Variants in TSPAN2 observed in about 807,000 individuals in gnomAD.
The protein encoded by TSPAN2 is tetraspanin-2.
A neutral mutation model predicts 33.3 loss-of-function variants in TSPAN2; 24 were observed. That is an observed-to-expected ratio of 0.72 (90% CI 0.52 to 1.01). The LOEUF is 1.01. TSPAN2 is among the 50% of genes least tolerant of loss of function. The probability of loss-of-function intolerance (pLI) is 0.00; values close to 1 mark genes in which losing one functional copy is unlikely to be tolerated. For missense variants in TSPAN2, 278 were observed against 281.3 expected, an observed-to-expected ratio of 0.99 and a Z score of 0.08; for synonymous variants, 114 against 104.5, an observed-to-expected ratio of 1.09 and a Z score of -0.56.
At chr1:115,065,235 C>G (rs1335684179) in intron 2 of TSPAN2, among the ~76,000 whole-genome samples, 5 of 152,192 alleles carry the variant, frequency 3.3e-5, no homozygotes, top group African/African-American at 1.2e-4. Flanking sequence ...CCAAATCTGG[C>G]TCTAATACTC....
Position 115,050,049 on chromosome 1 carries a change from T to C in TSPAN2, c.*441A>G, listed in dbSNP as rs79690531. ...CAATTCTTACAGCTTATTACTTCCA[T>C]TAAGAAGAAATCTCTGAATTCTCTG... On this transcript the variant is annotated 3_prime_UTR_variant, in exon 8 of 8. Coordinates refer to ENST00000369516, the MANE Select transcript of TSPAN2 (RefSeq NM_005725.6). 7,783 of 227,926 alleles carry C rather than the reference T, an allele frequency of 0.034. 208 individuals are homozygous for C. The highest frequency in any genetic ancestry group is 0.043 in the Non-Finnish European group (4,967 of 115,128). The allele number at this position is 227,926 out of a possible 1,614,324, so 14.1% of individuals were successfully genotyped here.
At chr1:115,084,454 T>C (rs1648753511) in intron 1 of TSPAN2, among the ~76,000 whole-genome samples, 1 of 152,098 alleles carries the variant, frequency 6.6e-6, no homozygotes, top group Non-Finnish European at 1.5e-5. Context: ...CATAGGTCTG[T>C]CCGAGGTCTA....
intron 6 of TSPAN2, 91 bp downstream of exon 6, chr1:115,057,446 T>G: frequency 7.9e-7 from 1 of 1,259,448 alleles, no homozygotes; most frequent in Non-Finnish European, 1.2e-6. Context: ...TTCAGTAAAA[T>G]GCAGATCCCA....
Position 115,048,723 on chromosome 1 carries a change from T to A in TSPAN2, c.*1767A>T, listed in dbSNP as rs1003641338. ...CTGTTCTTTGCCTAAAAGGTCACAT[T>A]TCTCAACTACTGGGGTACAAACTAT... On this transcript the variant is annotated 3_prime_UTR_variant, in exon 8 of 8. Coordinates refer to ENST00000369516, the MANE Select transcript of TSPAN2 (RefSeq NM_005725.6). 2 of 152,086 alleles carry A rather than the reference T, an allele frequency of 1.3e-5. No individual in the cohort carries two copies. The highest frequency in any genetic ancestry group is 3.9e-4 in the East Asian group (2 of 5,194). 9.4% of individuals were successfully genotyped at this position (152,086 alleles called of 1,614,324 possible).
intron 6 of TSPAN2, among the ~76,000 whole-genome samples, chr1:115,056,623 T>C (rs1570966344): frequency 6.6e-6 from 1 of 152,268 alleles, no homozygotes; most frequent in South Asian, 2.1e-4. Flanking sequence ...CTGTCAGCCT[T>C]CCCCATCCCC....
intron 5 of TSPAN2, 58 bp downstream of exon 5, chr1:115,058,825 C>A: frequency 7.3e-7 from 1 of 1,368,570 alleles, no homozygotes; most frequent in Non-Finnish European, 1.0e-6. Context: ...TGGTGAGAAC[C>A]TGGCTCACAC....
chr1:115,085,443 C>T (rs191910557), intron 1 of TSPAN2, among the ~76,000 whole-genome samples: 99 of 152,226 alleles, frequency 6.5e-4, no homozygotes, highest in African/African-American at 2.0e-3. Context: ...TCTGTTAAAT[C>T]GCAGATCACC....
At chr1:115,058,172 A>T (rs2101026017) in intron 5 of TSPAN2, 1 of 157,898 alleles carries the variant, frequency 6.3e-6, no homozygotes, top group East Asian at 1.9e-4. Flanking sequence ...AACCGTATAA[A>T]TGTATAAATG....
In TSPAN2 at chr1:115,049,986, T is replaced by TC; in HGVS notation, c.*503_*504insG. ...AACCCAGGAAACCCTTACACCCAAC[T>TC]TAGACACAGTCAGTTTTAACACTCC... On this transcript the variant is annotated 3_prime_UTR_variant, in exon 8 of 8. Transcript: ENST00000369516. The TC allele has an allele frequency of 6.3e-6, 1 of 159,758 alleles. No individual in the cohort carries two copies. The highest frequency in any genetic ancestry group is 2.5e-5 in the African/African-American group (1 of 40,764). 9.9% of individuals were successfully genotyped at this position (159,758 alleles called of 1,614,324 possible).
At position 115,089,389 on chromosome 1, in the gene TSPAN2, A is replaced by T. The variant is rs747038693; in HGVS notation, c.44T>A (p.Leu15Gln). The change falls in exon 1 of 8, where the codon CTG becomes CAG. Residue 15 changes from leucine to glutamine, a missense_variant. Leu to Gln is a moderately radical substitution (Grantham distance 113). Transcript: ENST00000369516. ...CCAGAAGAGCAGGTTGAAGCCAAGC[A>T]GCAGGTACTTGATGCACCGCAGGCC... The part of the protein sequence containing the change: ...RGGLRCIKYL[L>Q]LGFNLLFWLA... 1 of 1,596,532 alleles carries T rather than the reference A, an allele frequency of 6.3e-7. No individual in the cohort carries two copies. Among genetic ancestry groups the T allele is most frequent in the Non-Finnish European group, 8.5e-7 (1 of 1,172,928 alleles).
chr1:115,064,177 T>C (rs1647848704), intron 2 of TSPAN2, among the ~76,000 whole-genome samples: 1 of 152,254 alleles, frequency 6.6e-6, no homozygotes, highest in African/African-American at 2.4e-5. Flanking sequence ...GTTTTACAAA[T>C]GGAGGTCTGA....
chr1:115,072,023 C>A (rs1045891195), intron 2 of TSPAN2, among the ~76,000 whole-genome samples: 2 of 152,134 alleles, frequency 1.3e-5, no homozygotes, highest in Non-Finnish European at 2.9e-5. Flanking sequence ...TGGTGCAGAT[C>A]CTAAAACAGC....
At chr1:115,082,999 G>A (rs935076008) in intron 1 of TSPAN2, among the ~76,000 whole-genome samples, 1 of 152,156 alleles carries the variant, frequency 6.6e-6, no homozygotes, top group Non-Finnish European at 1.5e-5. Context: ...AAAGCACTTC[G>A]TAAACTGAAG....
chr1:115,082,235 T>C (rs1168843419), intron 1 of TSPAN2, among the ~76,000 whole-genome samples: 1 of 152,230 alleles, frequency 6.6e-6, no homozygotes, highest in East Asian at 1.9e-4. Flanking sequence ...ATCAGTAGCA[T>C]AGTCGCCGCA....
intron 1 of TSPAN2, among the ~76,000 whole-genome samples, chr1:115,080,764 A>G (rs1338954332): frequency 6.6e-6 from 1 of 152,198 alleles, no homozygotes; most frequent in East Asian, 1.9e-4. Context: ...ATAAGCCCGG[A>G]GAGGAAAAAA....
chr1:115,060,629 T>C, intron 3 of TSPAN2, 91 bp from the exon 4 acceptor site: 1 of 959,450 alleles, frequency 1.0e-6, no homozygotes, highest in Non-Finnish European at 1.6e-6. Flanking sequence ...AATGGCTGAA[T>C]CGCTTTCATG....
chr1:115,076,982 G>C (rs2101043413), intron 1 of TSPAN2, among the ~76,000 whole-genome samples: 1 of 151,004 alleles, frequency 6.6e-6, no homozygotes, highest in Middle Eastern at 3.4e-3. Flanking sequence ...GTACAGTGGT[G>C]CCATCACAGC....
intron 1 of TSPAN2, among the ~76,000 whole-genome samples, chr1:115,079,418 G>A (rs1050711825): frequency 3.3e-5 from 5 of 152,072 alleles, no homozygotes; most frequent in Non-Finnish European, 7.4e-5. Flanking sequence ...ACCCCATTAT[G>A]ATACCTTAAG....
chr1:115,079,161 ACACACACG>A (rs1445725330), intron 1 of TSPAN2, among the ~76,000 whole-genome samples: 32 of 142,118 alleles, frequency 2.3e-4, no homozygotes, highest in Non-Finnish European at 3.2e-4. Flanking sequence ...ACACACACAC[ACACACACG>A]CGCATGCTGC....
Sources: gnomAD v4.1 joint callset for allele counts (sites outside exome capture counted in the v4.1 genomes callset) on GRCh38, gnomAD v4.1.1 for gene constraint, MANE v1.5 for transcripts, NCBI Gene and HGNC (gene_info 2026-07-23, HGNC 2026-07-21) for gene names.